The following PMS2 variants were observed in gnomAD, a reference collection of about 807,000 sequenced individuals.
PMS2 encodes the protein PMS1 homolog 2, mismatch repair system component.
Under a neutral mutation model 90.0 loss-of-function variants are expected in PMS2, and 69 were observed. That is an observed-to-expected ratio of 0.77 (90% CI 0.63 to 0.94). PMS2 has a LOEUF of 0.94. PMS2 is among the 40% of genes least tolerant of loss of function. The probability of loss-of-function intolerance (pLI) is 0.00; values close to 1 mark genes in which losing one functional copy is unlikely to be tolerated. For synonymous variants in PMS2, 332 were observed against 375.1 expected (o/e 0.89, Z 1.33); for missense variants, 966 against 1,040.2 (o/e 0.93, Z 0.98).
rs587782826 is a variant in PMS2, at chr7:5,989,887, C to T, written c.1057G>A (p.Ala353Thr). Residue 353 changes from alanine to threonine, a missense_variant, in exon 10 of 15, where the codon GCA becomes ACA. By Grantham distance (58) the Ala-to-Thr change is moderately conservative. Transcript: ENST00000265849. ...CCTATCAAAGAGGTCTTTAAAACTG[C>T]CAACAAAAGCTTTTCCTCTTGTAGC... The part of the protein sequence containing the change: ...ILLQEEKLLL[A>T]VLKTSLIGMF... The T allele has an allele frequency of 1.9e-6, 3 of 1,612,008 alleles. No individual in the cohort carries two copies. Among genetic ancestry groups the T allele is most frequent in the Non-Finnish European group, 2.5e-6 (3 of 1,178,550 alleles).
intron 1 of PMS2, among the ~76,000 whole-genome samples, chr7:6,007,837 G>A (rs1012187923): frequency 2.0e-5 from 3 of 150,180 alleles, no homozygotes; most frequent in Non-Finnish European, 4.4e-5. Context: ...GCACACTATA[G>A]GCTACAGGTC....
chr7:5,981,658 C>G (rs1352915114), intron 12 of PMS2, among the ~76,000 whole-genome samples: 2 of 151,448 alleles, frequency 1.3e-5, no homozygotes, highest in Non-Finnish European at 2.9e-5. Context: ...ATACTCCATA[C>G]TATCAATTGC....
At chr7:6,005,714 G>A (rs564017230) in intron 2 of PMS2, among the ~76,000 whole-genome samples, 178 bp downstream of exon 2, 375 of 152,290 alleles carry the variant, frequency 2.5e-3, no homozygotes, top group Admixed American at 7.8e-3. Context: ...AATAAAAGCT[G>A]TTATTATTAT....
intron 12 of PMS2, among the ~76,000 whole-genome samples, chr7:5,981,896 G>A (rs1329400025): frequency 6.6e-6 from 1 of 151,722 alleles, no homozygotes; most frequent in Non-Finnish European, 1.5e-5. Context: ...ACAGTGCCTG[G>A]CAGATTCTAG....
At chr7:5,994,818 T>C (rs1035110419) in intron 8 of PMS2, among the ~76,000 whole-genome samples, 9 of 151,732 alleles carry the variant, frequency 5.9e-5, no homozygotes, top group African/African-American at 1.9e-4. Flanking sequence ...ATGTCAAAAA[T>C]GCCTTTGTGA....
intron 11 of PMS2, among the ~76,000 whole-genome samples, chr7:5,984,062 G>A (rs1357000068): frequency 6.6e-6 from 1 of 151,778 alleles, no homozygotes; most frequent in Non-Finnish European, 1.5e-5. Context: ...TTTCAATAGC[G>A]CACTCAAAGC....
At chr7:5,994,777 A>C (rs1784193060) in intron 8 of PMS2, among the ~76,000 whole-genome samples, 1 of 147,458 alleles carries the variant, frequency 6.8e-6, no homozygotes, top group Non-Finnish European at 1.5e-5. Context: ...TCCGTCTCAG[A>C]AAAAAAAAAA....
chr7:5,988,314 C>T (rs368404188), intron 10 of PMS2, among the ~76,000 whole-genome samples: 1 of 152,070 alleles, frequency 6.6e-6, no homozygotes, highest in African/African-American at 2.4e-5. Context: ...CACAGTGGCT[C>T]ACGCCTGTAA....
chr7:6,000,169 G>A (rs551989976), intron 5 of PMS2, among the ~76,000 whole-genome samples: 72 of 151,988 alleles, frequency 4.7e-4, no homozygotes, highest in African/African-American at 1.7e-3. Flanking sequence ...GAGCCCACGA[G>A]TTCGAGACCT....
At chr7:5,997,054 A>G (rs1315033119) in intron 7 of PMS2, among the ~76,000 whole-genome samples, 1 of 152,074 alleles carries the variant, frequency 6.6e-6, no homozygotes, top group Non-Finnish European at 1.5e-5. Context: ...GTCTCTACTA[A>G]AAATACAAAA....
At chr7:5,990,210 G>A (rs367832785) in intron 9 of PMS2, among the ~76,000 whole-genome samples, 1 of 152,168 alleles carries the variant, frequency 6.6e-6, no homozygotes, top group South Asian at 2.1e-4. Flanking sequence ...GTTTCACCGT[G>A]TTGGCCAGGC....
At chr7:6,000,146 G>A (rs1471212097) in intron 5 of PMS2, among the ~76,000 whole-genome samples, 1 of 151,102 alleles carries the variant, frequency 6.6e-6, no homozygotes, top group Non-Finnish European at 1.5e-5. Flanking sequence ...AGGCTGAGGC[G>A]GGAGGATCAC....
chr7:5,996,363 G>A (rs1453551777), intron 7 of PMS2, among the ~76,000 whole-genome samples: 1 of 151,894 alleles, frequency 6.6e-6, no homozygotes, highest in East Asian at 1.9e-4. Flanking sequence ...AGACCAGCCT[G>A]GGCAACATGG....
chr7:5,983,533 T>C (rs1782533019), intron 11 of PMS2, among the ~76,000 whole-genome samples: 1 of 151,902 alleles, frequency 6.6e-6, no homozygotes, highest in Non-Finnish European at 1.5e-5. Flanking sequence ...TCTCCATATA[T>C]AATTTTTTTT....
intron 12 of PMS2, among the ~76,000 whole-genome samples, chr7:5,981,229 ATT>A (rs1285585900): frequency 6.7e-6 from 1 of 150,274 alleles, no homozygotes; most frequent in African/African-American, 2.5e-5. Flanking sequence ...TTTAAATTTT[ATT>A]TTATTTTATT....
intron 7 of PMS2, among the ~76,000 whole-genome samples, chr7:5,996,797 A>T (rs978377415): frequency 2.0e-5 from 3 of 152,076 alleles, no homozygotes; most frequent in Non-Finnish European, 4.4e-5. Context: ...GACCTGCTCA[A>T]CAGAAAACCA....
In PMS2 at chr7:5,977,945, C is replaced by T. The variant is rs551081968; in HGVS notation, c.2276-188G>A. Among the ~76,000 whole-genome samples the T allele has an allele frequency of 8.1e-4, 122 of 150,346 alleles. 2 individuals carry two copies. Among genetic ancestry groups the T allele is most frequent in the African/African-American group, 2.9e-3 (118 of 40,944 alleles). ...CCATCCTGGCTAACATGGTGAAACCCCGTCTCTACTAAAAAATAGAAAAAA... is the reference window on the plus strand; with the variant it reads ...CCATCCTGGCTAACATGGTGAAACCTCGTCTCTACTAAAAAATAGAAAAAA... On this transcript the variant is annotated intron_variant, in intron 13 of 14. Coordinates refer to ENST00000265849, the MANE Select transcript of PMS2 (RefSeq NM_000535.7).
chr7:5,998,286 T>C (rs908894987), intron 6 of PMS2, among the ~76,000 whole-genome samples: 4 of 151,098 alleles, frequency 2.6e-5, no homozygotes, highest in Non-Finnish European at 3.0e-5. Flanking sequence ...TTCACCATAT[T>C]GATCAGGCTG....
Position 6,005,694 on chromosome 7 carries a change from G to A in PMS2, c.163+198C>T, listed in dbSNP as rs878945549. 3.9e-5 allele frequency among the ~76,000 whole-genome samples: 6 copies of A among 152,258 alleles called. No individual in the cohort carries two copies. In the South Asian group the frequency reaches 1.0e-3, roughly 26 times the overall value. On this transcript the variant is annotated intron_variant, in intron 2 of 14. Coordinates refer to ENST00000265849, the MANE Select transcript of PMS2 (RefSeq NM_000535.7). ...TAGCATAACACCTGCCTGGCACACC[G>A]TAAGAACACAATAAAAGCTGTTATT...
Sources: allele counts gnomAD v4.1 joint callset (sites outside exome capture counted in the v4.1 genomes callset), GRCh38; gene constraint gnomAD v4.1.1; transcripts MANE v1.5; gene names NCBI Gene and HGNC (gene_info 2026-07-23, HGNC 2026-07-21).